Variants in PKNOX2 observed in about 807,000 individuals in gnomAD.
PKNOX2 encodes the protein homeobox protein PKNOX2.
In PKNOX2, 14 loss-of-function variants were observed where a neutral mutation model predicts 53.1. The observed-to-expected ratio is 0.26, with a 90% confidence interval of 0.17 to 0.41. PKNOX2 has a LOEUF of 0.41. PKNOX2 is among the 10% of genes least tolerant of loss of function. The pLI is 1.00. For missense variants in PKNOX2, 496 were observed against 602.8 expected, an observed-to-expected ratio of 0.82 and a Z score of 1.85; for synonymous variants, 257 against 242.8, an observed-to-expected ratio of 1.06 and a Z score of -0.54.
intron 1 of PKNOX2, among the ~76,000 whole-genome samples, chr11:125,222,827 CATCG>C: frequency 6.6e-6 from 1 of 151,418 alleles, no homozygotes; most frequent in East Asian, 1.9e-4. Flanking sequence ...GTGTGTGTTG[CATCG>C]AAAGGTGTCT....
At chr11:125,346,085 G>C (rs549289998) in intron 3 of PKNOX2, among the ~76,000 whole-genome samples, 1 of 151,738 alleles carries the variant, frequency 6.6e-6, no homozygotes, top group Non-Finnish European at 1.5e-5. Flanking sequence ...GCAGCTTTTC[G>C]GTCCCTCCTG....
At chr11:125,230,013 T>G (rs1942065969) in intron 1 of PKNOX2, among the ~76,000 whole-genome samples, 1 of 152,240 alleles carries the variant, frequency 6.6e-6, no homozygotes, top group Non-Finnish European at 1.5e-5. Flanking sequence ...CTAAGATAAC[T>G]TCATATTCAT....
intron 5 of PKNOX2, among the ~76,000 whole-genome samples, chr11:125,378,151 A>G (rs1952954297): frequency 6.6e-6 from 1 of 152,240 alleles, no homozygotes; most frequent in African/African-American, 2.4e-5. Flanking sequence ...GGCACTAAGA[A>G]ATAAAGGCTC....
At chr11:125,174,274 G>A (rs1955538024) in intron 1 of PKNOX2, among the ~76,000 whole-genome samples, 1 of 152,108 alleles carries the variant, frequency 6.6e-6, no homozygotes, top group African/African-American at 2.4e-5. Flanking sequence ...CAACAGGTGT[G>A]GCCTGAACCC....
chr11:125,194,798 G>A (rs1215871032), intron 1 of PKNOX2, among the ~76,000 whole-genome samples: 1 of 152,192 alleles, frequency 6.6e-6, no homozygotes, highest in African/African-American at 2.4e-5. Context: ...GCCGTCCATT[G>A]AGCACCTACT....
At chr11:125,229,591 G>A (rs771162542) in intron 1 of PKNOX2, among the ~76,000 whole-genome samples, 4 of 152,198 alleles carry the variant, frequency 2.6e-5, no homozygotes, top group Non-Finnish European at 4.4e-5. Context: ...GATGAAAATT[G>A]TGTTTTAGGA....
At chr11:125,304,500 G>T (rs1056574161) in intron 2 of PKNOX2, among the ~76,000 whole-genome samples, 1 of 152,244 alleles carries the variant, frequency 6.6e-6, no homozygotes, top group Non-Finnish European at 1.5e-5. Context: ...GGGAAGGGGA[G>T]GGCTCCCAGC....
At chr11:125,424,433 G>A (rs767938201) in intron 10 of PKNOX2, among the ~76,000 whole-genome samples, 5 of 152,100 alleles carry the variant, frequency 3.3e-5, no homozygotes, top group South Asian at 2.1e-4. Flanking sequence ...GAATGTGGTC[G>A]TTTTGGGGCC....
rs2135702600 is a variant in PKNOX2, at chr11:125,429,944, C to T, written c.1014-19C>T. 6.2e-7 allele frequency: 1 copy of T among 1,611,806 alleles called. No homozygotes were observed. The highest frequency in any genetic ancestry group is 8.5e-7 in the Non-Finnish European group (1 of 1,178,732). On this transcript the variant is annotated intron_variant, in intron 11 of 12. Coordinates refer to ENST00000298282, the MANE Select transcript of PKNOX2 (RefSeq NM_001382323.2). The stretch of plus-strand genomic sequence containing the variant: ...ATGCAGGTGATGACTAACCAGGTCT[C>T]CACTTTACCTCTGGGCAGGTTCATC...
chr11:125,413,896 G>A (rs1955715816), intron 10 of PKNOX2, among the ~76,000 whole-genome samples: 1 of 152,156 alleles, frequency 6.6e-6, no homozygotes, highest in East Asian at 1.9e-4. Context: ...GAGCCCAGGT[G>A]TCCAGGCCAG....
At chr11:125,202,121 G>T (rs1479925384) in intron 1 of PKNOX2, among the ~76,000 whole-genome samples, 1 of 152,236 alleles carries the variant, frequency 6.6e-6, no homozygotes, top group Non-Finnish European at 1.5e-5. Context: ...TTAGCTGAGG[G>T]GAAGGAGAGG....
At chr11:125,331,129 C>T (rs756619935) in intron 2 of PKNOX2, among the ~76,000 whole-genome samples, 2 of 152,126 alleles carry the variant, frequency 1.3e-5, no homozygotes, top group African/African-American at 2.4e-5. Flanking sequence ...ACCTTATGGC[C>T]GTGCTGACCA....
chr11:125,178,686 G>GAA (rs1565462546), intron 1 of PKNOX2, among the ~76,000 whole-genome samples: 9 of 135,796 alleles, frequency 6.6e-5, no homozygotes, highest in African/African-American at 2.5e-4. Context: ...AAGAGAGAGA[G>GAA]AGAGAGAGAG....
intron 1 of PKNOX2, among the ~76,000 whole-genome samples, chr11:125,168,810 G>A (rs895687993): frequency 3.9e-5 from 6 of 152,214 alleles, no homozygotes; most frequent in Non-Finnish European, 7.3e-5. Context: ...AATGTTAGAG[G>A]CTTAATAATA....
intron 1 of PKNOX2, among the ~76,000 whole-genome samples, chr11:125,199,616 G>A (rs1384656637): frequency 2.0e-5 from 3 of 152,176 alleles, no homozygotes; most frequent in South Asian, 2.1e-4. Flanking sequence ...GGCCAAGGCC[G>A]GTGGATCACT....
intron 2 of PKNOX2, among the ~76,000 whole-genome samples, chr11:125,275,328 G>A (rs1370339797): frequency 3.3e-5 from 5 of 152,178 alleles, no homozygotes; most frequent in Non-Finnish European, 7.3e-5. Context: ...AGTCTCTGGG[G>A]TGGACCTGAG....
chr11:125,362,890 C>A (rs143629340), intron 4 of PKNOX2, among the ~76,000 whole-genome samples: 2 of 152,290 alleles, frequency 1.3e-5, no homozygotes, highest in East Asian at 3.9e-4. Context: ...GATCTCTCAG[C>A]CCCACCCAGA....
chr11:125,263,846 C>G (rs1456299118), intron 2 of PKNOX2, among the ~76,000 whole-genome samples: 2 of 152,230 alleles, frequency 1.3e-5, no homozygotes, highest in Non-Finnish European at 2.9e-5. Context: ...TTGTCTGAAT[C>G]TGGAGAACAG....
At chr11:125,342,742 C>T (rs1950759892) in intron 3 of PKNOX2, among the ~76,000 whole-genome samples, 1 of 151,878 alleles carries the variant, frequency 6.6e-6, no homozygotes. Context: ...TGAGTGTGTG[C>T]AGACGAGAGA....
Sources: allele counts gnomAD v4.1 joint callset (sites outside exome capture counted in the v4.1 genomes callset), GRCh38; gene constraint gnomAD v4.1.1; transcripts MANE v1.5; gene names NCBI Gene and HGNC (gene_info 2026-07-23, HGNC 2026-07-21).